The following NELL1 variants were observed in gnomAD, a reference collection of about 807,000 sequenced individuals.
NELL1 encodes neural EGFL like 1.
Under a neutral mutation model 107.4 loss-of-function variants are expected in NELL1, and 76 were observed. The ratio of observed to expected loss-of-function variants is 0.71; its 90% confidence interval spans 0.59 to 0.86. The LOEUF is 0.86. NELL1 is among the 40% of genes least tolerant of loss of function. NELL1 has a pLI of 0.00. For missense variants in NELL1, 1,024 were observed against 1,005.5 expected, an observed-to-expected ratio of 1.02 and a Z score of -0.25; for synonymous variants, 353 against 341.2, an observed-to-expected ratio of 1.03 and a Z score of -0.38.
At chr11:20,705,049 G>A (rs1310088394) in intron 2 of NELL1, among the ~76,000 whole-genome samples, 2 of 152,108 alleles carry the variant, frequency 1.3e-5, no homozygotes, top group Non-Finnish European at 1.5e-5. Flanking sequence ...CATGCTCACG[G>A]GTAGGAAGAA....
chr11:21,467,128 A>G (rs1189643656), intron 15 of NELL1, among the ~76,000 whole-genome samples: 1 of 152,034 alleles, frequency 6.6e-6, no homozygotes, highest in Non-Finnish European at 1.5e-5. Flanking sequence ...ACCAAGAGAG[A>G]GAACAAAAAG....
At chr11:21,272,859 A>G (rs1453511325) in intron 14 of NELL1, among the ~76,000 whole-genome samples, 1 of 152,252 alleles carries the variant, frequency 6.6e-6, no homozygotes, top group African/African-American at 2.4e-5. Context: ...GTTAGAAGGA[A>G]AACTAACAAA....
intron 15 of NELL1, among the ~76,000 whole-genome samples, chr11:21,476,337 A>T (rs1023000431): frequency 6.6e-6 from 1 of 152,308 alleles, no homozygotes; most frequent in Non-Finnish European, 1.5e-5. Flanking sequence ...AGGAAAATCA[A>T]TAGAGGGTAG....
intron 15 of NELL1, among the ~76,000 whole-genome samples, chr11:21,497,914 C>T (rs988760892): frequency 1.3e-5 from 2 of 151,518 alleles, no homozygotes; most frequent in Non-Finnish European, 2.9e-5. Context: ...TTTATTATAC[C>T]CTGTGTCTTT....
chr11:21,023,688 C>G (rs1401021110), intron 12 of NELL1, among the ~76,000 whole-genome samples: 8 of 151,968 alleles, frequency 5.3e-5, no homozygotes, highest in Non-Finnish European at 1.0e-4. Flanking sequence ...GTGTGCAGCC[C>G]TGCTTGGCTT....
chr11:21,381,475 T>C (rs568393900), intron 15 of NELL1, among the ~76,000 whole-genome samples: 1 of 152,038 alleles, frequency 6.6e-6, no homozygotes, highest in South Asian at 2.1e-4. Context: ...TATTGTGAGA[T>C]TAAATGAGAT....
intron 14 of NELL1, among the ~76,000 whole-genome samples, chr11:21,319,337 G>A (rs970834990): frequency 3.3e-5 from 5 of 151,234 alleles, no homozygotes; most frequent in African/African-American, 9.8e-5. Flanking sequence ...CACTATGCAC[G>A]GCTAATTTTT....
At chr11:21,383,707 A>G (rs1410440928) in intron 15 of NELL1, 1 of 149,404 alleles carries the variant, frequency 6.7e-6, no homozygotes, top group African/African-American at 2.4e-5. Flanking sequence ...ATATTTATAC[A>G]TAAGTATGAT....
chr11:21,149,705 T>A (rs1459923135), intron 13 of NELL1, among the ~76,000 whole-genome samples: 1 of 152,176 alleles, frequency 6.6e-6, no homozygotes, highest in African/African-American at 2.4e-5. Context: ...ATACGTGCTG[T>A]ATACCAGGTG....
In NELL1 at chr11:20,897,723, A is replaced by G. The variant is rs556048255; in HGVS notation, c.603+12183A>G. On this transcript the variant is annotated intron_variant, in intron 5 of 19. Coordinates refer to ENST00000357134, the MANE Select transcript of NELL1 (RefSeq NM_006157.5). ...AATGAACTCAAACAAATTTACAAGAAAAAAACAAACAACCCCATCAACAAG... is the reference window on the plus strand; with the variant it reads ...AATGAACTCAAACAAATTTACAAGAGAAAAACAAACAACCCCATCAACAAG... 3.9e-5 allele frequency among the ~76,000 whole-genome samples: 6 copies of G among 152,358 alleles called. No homozygotes were observed. The South Asian group carries it at 1.2e-3, about 32-fold the overall frequency.
chr11:21,333,241 C>T (rs1165021779), intron 14 of NELL1, among the ~76,000 whole-genome samples: 1 of 151,676 alleles, frequency 6.6e-6, no homozygotes, highest in Non-Finnish European at 1.5e-5. Context: ...GGGTGTTTCT[C>T]ATTTAAGACA....
intron 2 of NELL1, among the ~76,000 whole-genome samples, chr11:20,708,757 C>A (rs1162634593): frequency 6.6e-6 from 1 of 152,012 alleles, no homozygotes; most frequent in Non-Finnish European, 1.5e-5. Context: ...TTTTTTGTTG[C>A]ATTTGCTTTC....
intron 13 of NELL1, among the ~76,000 whole-genome samples, chr11:21,171,048 GT>G (rs1229687559): frequency 2.0e-5 from 3 of 151,768 alleles, no homozygotes. Context: ...AGGTTAGGTT[GT>G]TTTTCATCAG....
intron 12 of NELL1, among the ~76,000 whole-genome samples, chr11:21,108,551 A>G (rs1370442082): frequency 1.3e-5 from 2 of 152,136 alleles, no homozygotes; most frequent in East Asian, 1.9e-4. Context: ...GCCCCATTAT[A>G]CTCAAGATGA....
chr11:21,277,841 T>C (rs1848903212), intron 14 of NELL1, among the ~76,000 whole-genome samples: 1 of 152,086 alleles, frequency 6.6e-6, no homozygotes, highest in Non-Finnish European at 1.5e-5. Flanking sequence ...TAGGTGGGAA[T>C]TGAACAATGA....
At chr11:21,005,130 T>C (rs1852302292) in intron 12 of NELL1, among the ~76,000 whole-genome samples, 1 of 152,200 alleles carries the variant, frequency 6.6e-6, no homozygotes, top group Non-Finnish European at 1.5e-5. Context: ...CATGTCATTC[T>C]TATCAACTTG....
chr11:21,442,765 G>A (rs1258969917), intron 15 of NELL1, among the ~76,000 whole-genome samples: 1 of 152,070 alleles, frequency 6.6e-6, no homozygotes, highest in Admixed American at 6.6e-5. Flanking sequence ...TGGAGCTGAA[G>A]CACTACTTAA....
intron 2 of NELL1, among the ~76,000 whole-genome samples, chr11:20,720,005 T>C (rs2133907159): frequency 6.6e-6 from 1 of 152,338 alleles, no homozygotes; most frequent in South Asian, 2.1e-4. Context: ...TTTCCTTGAC[T>C]TAATCCTTGC....
At chr11:21,070,565 C>CA (rs1227613292) in intron 12 of NELL1, among the ~76,000 whole-genome samples, 5 of 151,990 alleles carry the variant, frequency 3.3e-5, no homozygotes, top group African/African-American at 1.2e-4. Context: ...TCCTAATTTG[C>CA]AAAAAAATAC....
Sources: allele counts gnomAD v4.1 joint callset (sites outside exome capture counted in the v4.1 genomes callset), GRCh38; gene constraint gnomAD v4.1.1; transcripts MANE v1.5; gene names NCBI Gene and HGNC (gene_info 2026-07-23, HGNC 2026-07-21).